PKN2: variants seen among roughly 807,000 people sequenced by gnomAD.
The protein encoded by PKN2 is protein kinase N2.
Under a neutral mutation model 119.1 loss-of-function variants are expected in PKN2, and 38 were observed. That is an observed-to-expected ratio of 0.32 (90% confidence interval 0.25 to 0.42). The LOEUF is 0.42. Among genes scored for constraint, PKN2 ranks in the 10% least tolerant of loss-of-function variants. The pLI is 1.00. For synonymous variants in PKN2, 390 were observed against 384.9 expected (o/e 1.01, Z -0.15); for missense variants, 850 against 1,165.1 (o/e 0.73, Z 3.94).
intron 15 of PKN2, among the ~76,000 whole-genome samples, chr1:88,808,765 T>C (rs984576258): frequency 6.6e-6 from 1 of 152,194 alleles, no homozygotes; most frequent in Non-Finnish European, 1.5e-5. Context: ...AATGGACATT[T>C]TTCTTACACC....
At chr1:88,798,625 C>T (rs1671187528) in intron 8 of PKN2, among the ~76,000 whole-genome samples, 1 of 151,914 alleles carries the variant, frequency 6.6e-6, no homozygotes, top group Admixed American at 6.6e-5. Context: ...CAGAATACAA[C>T]ACAAAAAGAT....
chr1:88,699,813 C>T (rs1016935710), intron 1 of PKN2, among the ~76,000 whole-genome samples: 13 of 151,218 alleles, frequency 8.6e-5, no homozygotes, highest in South Asian at 4.2e-4. Flanking sequence ...GATGGAGTCT[C>T]GCTCTGTAGT....
Position 88,741,000 on chromosome 1 carries a change from A to G in PKN2, c.61A>G (p.Ser21Gly), listed in dbSNP as rs370072062. The G allele has an allele frequency of 1.1e-4, 173 of 1,565,504 alleles. No homozygotes were observed. Among genetic ancestry groups the G allele is most frequent in the Non-Finnish European group, 1.4e-4 (165 of 1,162,364 alleles). Reference sequence around the variant, plus strand: ...ATTTTTTCTGTAGGGGGATTCCCGAAGTCTTCCGTTTTCTGAGAATGTGAG... The same window carrying G: ...ATTTTTTCTGTAGGGGGATTCCCGAGGTCTTCCGTTTTCTGAGAATGTGAG... ...LLTELQGDSR[S>G]LPFSENVSAV... Residue 21 changes from serine to glycine, a missense_variant, in exon 2 of 22, where the codon AGT (serine) becomes GGT (glycine). Coordinates refer to ENST00000370521, the MANE Select transcript of PKN2 (RefSeq NM_006256.4).
chr1:88,803,420 T>C (rs996332945), intron 8 of PKN2, among the ~76,000 whole-genome samples: 1 of 152,196 alleles, frequency 6.6e-6, no homozygotes, highest in African/African-American at 2.4e-5. Context: ...ATTTATTGCT[T>C]TGTAGAGCCT....
intron 3 of PKN2, among the ~76,000 whole-genome samples, chr1:88,763,009 C>T (rs1165637048): frequency 6.6e-6 from 1 of 152,138 alleles, no homozygotes; most frequent in African/African-American, 2.4e-5. Flanking sequence ...GTTGTCAACT[C>T]TAGTAGTCAT....
intron 15 of PKN2, among the ~76,000 whole-genome samples, chr1:88,812,754 A>G (rs916769925): frequency 6.6e-5 from 10 of 152,150 alleles, no homozygotes; most frequent in African/African-American, 2.2e-4. Flanking sequence ...ACACACAACT[A>G]TAGACAATGA....
intron 18 of PKN2, among the ~76,000 whole-genome samples, chr1:88,825,389 A>G (rs1438995441): frequency 6.6e-6 from 1 of 152,122 alleles, no homozygotes; most frequent in Non-Finnish European, 1.5e-5. Context: ...TATATATTCA[A>G]CTGTCTACTA....
intron 1 of PKN2, among the ~76,000 whole-genome samples, chr1:88,692,076 T>G (rs925673184): frequency 6.6e-5 from 10 of 152,162 alleles, no homozygotes; most frequent in Non-Finnish European, 1.3e-4. Context: ...TCTAAACATC[T>G]TTTAGTTGTT....
At chr1:88,712,021 C>T (rs983980950) in intron 1 of PKN2, among the ~76,000 whole-genome samples, 5 of 151,906 alleles carry the variant, frequency 3.3e-5, no homozygotes, top group Non-Finnish European at 7.4e-5. Context: ...CCCTCTAAGC[C>T]TTCATAATCT....
chr1:88,812,551 G>A (rs576606638), intron 15 of PKN2, among the ~76,000 whole-genome samples: 40 of 152,116 alleles, frequency 2.6e-4, no homozygotes, highest in Non-Finnish European at 5.4e-4. Flanking sequence ...ACAAGCCTGG[G>A]CAACATAGTG....
intron 3 of PKN2, among the ~76,000 whole-genome samples, chr1:88,763,653 CTTAAAGAA>C (rs1669539098): frequency 6.7e-6 from 1 of 149,690 alleles, no homozygotes; most frequent in South Asian, 2.1e-4. Flanking sequence ...CCTCCTCAGA[CTTAAAGAA>C]TTAAAGAAGG....
intron 2 of PKN2, among the ~76,000 whole-genome samples, chr1:88,741,693 T>C (rs895693483): frequency 1.3e-5 from 2 of 152,078 alleles, no homozygotes; most frequent in African/African-American, 4.8e-5. Context: ...TATTTGCAAA[T>C]GTAATTAGTC....
chr1:88,776,070 T>C (rs1670084129), intron 6 of PKN2, among the ~76,000 whole-genome samples: 1 of 149,534 alleles, frequency 6.7e-6, no homozygotes, highest in Non-Finnish European at 1.5e-5. Context: ...ATCGTGCCAC[T>C]GCACTCCAGC....
At chr1:88,783,297 C>T (rs1032549022) in intron 6 of PKN2, among the ~76,000 whole-genome samples, 3 of 152,130 alleles carry the variant, frequency 2.0e-5, no homozygotes, top group Non-Finnish European at 4.4e-5. Flanking sequence ...CTTTGGTTTC[C>T]TTGTACTCTT....
At position 88,684,446 on chromosome 1, in the gene PKN2, C is replaced by A; in HGVS notation, c.-135C>A. Reference sequence around the variant, plus strand: ...TAAGCCGCGCCTCCAGCAGGGGCTGCGCCTCCATGAATCCCTAGTTGTTTT... The same window carrying A: ...TAAGCCGCGCCTCCAGCAGGGGCTGAGCCTCCATGAATCCCTAGTTGTTTT... On this transcript the variant is annotated 5_prime_UTR_variant, in exon 1 of 22. Transcript: ENST00000370521. 1 of 746,840 alleles carries A rather than the reference C, an allele frequency of 1.3e-6. No homozygotes were observed. Among genetic ancestry groups the A allele is most frequent in the Non-Finnish European group, 2.1e-6 (1 of 482,146 alleles). The allele number at this position is 746,840 out of a possible 1,614,324, so 46.3% of individuals were successfully genotyped here. A position where few individuals can be genotyped will look rare whatever the true frequency, so the allele number is the denominator to read the frequency against.
chr1:88,818,276 G>T (rs144544549), intron 16 of PKN2, among the ~76,000 whole-genome samples: 1 of 152,132 alleles, frequency 6.6e-6, no homozygotes, highest in Admixed American at 6.5e-5. Flanking sequence ...CTTGAAAATG[G>T]CCATACTGCC....
intron 1 of PKN2, among the ~76,000 whole-genome samples, chr1:88,691,880 ATTT>A (rs1179717097): frequency 6.6e-6 from 1 of 152,176 alleles, no homozygotes; most frequent in Non-Finnish European, 1.5e-5. Flanking sequence ...TAATTGTTCT[ATTT>A]TATTATTAGT....
intron 2 of PKN2, among the ~76,000 whole-genome samples, chr1:88,744,546 G>A (rs1309468082): frequency 1.3e-5 from 2 of 152,094 alleles, no homozygotes; most frequent in South Asian, 4.1e-4. Context: ...TCAGCCTCCC[G>A]AGTAGCTGGC....
chr1:88,695,580 A>G (rs918112001), intron 1 of PKN2, among the ~76,000 whole-genome samples: 1 of 152,148 alleles, frequency 6.6e-6, no homozygotes, highest in Non-Finnish European at 1.5e-5. Flanking sequence ...TTTTGTTCTC[A>G]GCATATCACT....
Sources: gnomAD v4.1 joint callset for allele counts (sites outside exome capture counted in the v4.1 genomes callset) on GRCh38, gnomAD v4.1.1 for gene constraint, MANE v1.5 for transcripts, NCBI Gene and HGNC (gene_info 2026-07-23, HGNC 2026-07-21) for gene names.